Variants in NRG3 observed in about 807,000 individuals in gnomAD.
NRG3 encodes neuregulin 3.
In NRG3, 31 loss-of-function variants were observed where a neutral mutation model predicts 66.9. The ratio of observed to expected loss-of-function variants is 0.46; its 90% CI spans 0.35 to 0.63. The LOEUF is 0.63. Ranked by LOEUF, NRG3 falls within the 20% of genes least tolerant of loss-of-function variation. The pLI, the probability that NRG3 is intolerant of heterozygous loss-of-function variation, is 0.00. For missense variants in NRG3, 910 were observed against 878.9 expected, an observed-to-expected ratio of 1.04 and a Z score of -0.45; for synonymous variants, 393 against 359.4, an observed-to-expected ratio of 1.09 and a Z score of -1.06.
intron 1 of NRG3, among the ~76,000 whole-genome samples, chr10:82,156,503 A>G (rs773095883): frequency 1.3e-5 from 2 of 151,696 alleles, no homozygotes; most frequent in Non-Finnish European, 3.0e-5. Flanking sequence ...GTTAGCCAGC[A>G]TAATGTCAAT....
rs1466233819 is a variant in NRG3, at chr10:82,495,829, C to CACAT, written c.953+136964_953+136965insTACA. On this transcript the variant is annotated intron_variant, in intron 2 of 8. Transcript: ENST00000372141. Reference sequence around the variant, plus strand: ...GAGTGCAGACACACACACACACACACACACACACACACAAAGATGCAAAAT... The same window carrying CACAT: ...GAGTGCAGACACACACACACACACACACATACACACACACACAAAGATGCAAAAT... Among the ~76,000 whole-genome samples the CACAT allele has an allele frequency of 2.0e-5, 3 of 151,578 alleles. No individual in the cohort carries two copies. The Admixed American group carries it at 2.0e-4, about 10-fold the overall frequency.
chr10:82,086,233 G>T (rs1363074654), intron 1 of NRG3, among the ~76,000 whole-genome samples: 1 of 152,050 alleles, frequency 6.6e-6, no homozygotes, highest in Non-Finnish European at 1.5e-5. Flanking sequence ...TTCATCTCTA[G>T]GTATTTTGAG....
chr10:82,014,421 G>C (rs1589784971), intron 1 of NRG3, among the ~76,000 whole-genome samples: 1 of 152,292 alleles, frequency 6.6e-6, no homozygotes, highest in African/African-American at 2.4e-5. Context: ...AACCATCTCT[G>C]TTCTCTTTGC....
At chr10:82,349,789 C>G (rs2083301465) in intron 1 of NRG3, among the ~76,000 whole-genome samples, 1 of 152,172 alleles carries the variant, frequency 6.6e-6, no homozygotes, top group African/African-American at 2.4e-5. Context: ...TTAAGCCAGT[C>G]GGAAAAGCGC....
At chr10:82,512,775 T>C (rs987232511) in intron 2 of NRG3, among the ~76,000 whole-genome samples, 1 of 152,196 alleles carries the variant, frequency 6.6e-6, no homozygotes, top group African/African-American at 2.4e-5. Context: ...CATTTAATTT[T>C]ATAGTTTTGT....
At chr10:82,009,622 T>C (rs2061500761) in intron 1 of NRG3, among the ~76,000 whole-genome samples, 1 of 152,204 alleles carries the variant, frequency 6.6e-6, no homozygotes, top group South Asian at 2.1e-4. Flanking sequence ...TTGCACAGTG[T>C]GCAGTGGTGC....
At chr10:82,934,224 G>A (rs1011079144) in intron 4 of NRG3, among the ~76,000 whole-genome samples, 1 of 152,178 alleles carries the variant, frequency 6.6e-6, no homozygotes, top group Non-Finnish European at 1.5e-5. Flanking sequence ...CAGCTGTCTG[G>A]GTACAATTGC....
chr10:82,034,078 G>A (rs1399584806), intron 1 of NRG3, among the ~76,000 whole-genome samples: 1 of 152,078 alleles, frequency 6.6e-6, no homozygotes, highest in Admixed American at 6.6e-5. Flanking sequence ...CAAAAGCAAC[G>A]AAGCAAGAGC....
intron 2 of NRG3, among the ~76,000 whole-genome samples, chr10:82,386,031 A>G (rs2085961021): frequency 6.6e-6 from 1 of 152,174 alleles, no homozygotes; most frequent in Non-Finnish European, 1.5e-5. Flanking sequence ...AAAAAATCAC[A>G]TCAGTGAAAT....
chr10:82,895,380 G>C (rs566976570), intron 4 of NRG3, among the ~76,000 whole-genome samples: 1 of 151,954 alleles, frequency 6.6e-6, no homozygotes, highest in South Asian at 2.1e-4. Flanking sequence ...TCCTGGGAAG[G>C]CTAATCATAG....
At chr10:82,198,746 C>T (rs772089330) in intron 1 of NRG3, among the ~76,000 whole-genome samples, 30 of 152,254 alleles carry the variant, frequency 2.0e-4, no homozygotes, top group Admixed American at 9.2e-4. Flanking sequence ...CGCCTGTAAT[C>T]CCAGCACACT....
At chr10:82,040,183 G>T (rs186691379) in intron 1 of NRG3, among the ~76,000 whole-genome samples, 13 of 152,106 alleles carry the variant, frequency 8.5e-5, no homozygotes, top group South Asian at 6.2e-4. Flanking sequence ...CTTAAGCTTG[G>T]AAATTAATGT....
chr10:82,449,758 G>A (rs1457917874), intron 2 of NRG3, among the ~76,000 whole-genome samples: 2 of 152,138 alleles, frequency 1.3e-5, no homozygotes, highest in African/African-American at 4.8e-5. Flanking sequence ...GTCTTTCAGG[G>A]TAGAAACAGC....
intron 1 of NRG3, among the ~76,000 whole-genome samples, chr10:82,314,384 G>T (rs530287319): frequency 6.6e-6 from 1 of 152,088 alleles, no homozygotes; most frequent in South Asian, 2.1e-4. Flanking sequence ...CCAGATGTCA[G>T]GTTTTAATTT....
chr10:82,133,397 C>T (rs935645910), intron 1 of NRG3, among the ~76,000 whole-genome samples: 5 of 152,058 alleles, frequency 3.3e-5, no homozygotes, highest in Non-Finnish European at 5.9e-5. Flanking sequence ...ATTTTCTGTT[C>T]GTCTCCCTCC....
chr10:82,601,535 C>G (rs2047626712), intron 2 of NRG3, among the ~76,000 whole-genome samples: 1 of 152,062 alleles, frequency 6.6e-6, no homozygotes, highest in Non-Finnish European at 1.5e-5. Context: ...TCAAAGTGTT[C>G]TCCAAAAGCT....
At chr10:82,110,819 C>G (rs776113704) in intron 1 of NRG3, among the ~76,000 whole-genome samples, 1 of 151,676 alleles carries the variant, frequency 6.6e-6, no homozygotes, top group African/African-American at 2.4e-5. Context: ...ATTTGAAATT[C>G]AAGGGAGATG....
intron 2 of NRG3, among the ~76,000 whole-genome samples, chr10:82,383,941 G>T (rs1442950788): frequency 6.6e-6 from 1 of 151,650 alleles, no homozygotes; most frequent in Non-Finnish European, 1.5e-5. Context: ...TTTATCAAGT[G>T]GATGTGTTTA....
chr10:82,009,808 C>G (rs926711485), intron 1 of NRG3, among the ~76,000 whole-genome samples: 1 of 152,182 alleles, frequency 6.6e-6, no homozygotes, highest in Non-Finnish European at 1.5e-5. Flanking sequence ...AGCCATGCCT[C>G]CTTTGGGCAT....
Sources: gnomAD v4.1 joint callset for allele counts (sites outside exome capture counted in the v4.1 genomes callset) on GRCh38, gnomAD v4.1.1 for gene constraint, MANE v1.5 for transcripts, NCBI Gene and HGNC (gene_info 2026-07-23, HGNC 2026-07-21) for gene names.